Variants in RICTOR observed in about 807,000 individuals in gnomAD.
RICTOR encodes the protein RPTOR independent companion of MTOR complex 2.
Under a neutral mutation model 214.9 loss-of-function variants are expected in RICTOR, and 49 were observed. The observed-to-expected ratio is 0.23, with a 90% confidence interval of 0.18 to 0.29. RICTOR has a LOEUF of 0.29. RICTOR is among the 10% of genes least tolerant of loss of function. The pLI, the probability that RICTOR is intolerant of heterozygous loss-of-function variation, is 1.00. For synonymous variants in RICTOR, 717 were observed against 711.3 expected (o/e 1.01, Z -0.13); for missense variants, 1,625 against 2,047.0 (o/e 0.79, Z 3.98).
chr5:38,958,383 A>T, intron 24 of RICTOR, 60 bp downstream of exon 24: 1 of 1,044,174 alleles, frequency 9.6e-7, no homozygotes, highest in Non-Finnish European at 1.5e-6. Context: ...ATCTATCTTT[A>T]ATATACACTG....
chr5:38,964,767 G>A (rs1470038396), intron 16 of RICTOR, 25 bp downstream of exon 16: 3 of 1,216,320 alleles, frequency 2.5e-6, no homozygotes, highest in Admixed American at 2.0e-5. Flanking sequence ...TCAAACAAAA[G>A]CTTTGCTAAA....
chr5:39,014,107 C>T (rs1754758021), intron 3 of RICTOR, among the ~76,000 whole-genome samples: 1 of 152,036 alleles, frequency 6.6e-6, no homozygotes. Flanking sequence ...TACCACATAG[C>T]CTGGATATGT....
chr5:38,942,495 G>C (rs982917407), intron 37 of RICTOR, 117 bp from the exon 38 acceptor site: 4 of 505,146 alleles, frequency 7.9e-6, no homozygotes, highest in Non-Finnish European at 1.4e-5. Context: ...AGTCTTCCCA[G>C]GATGCAGCAC....
In RICTOR at chr5:39,027,081, T is replaced by C. The variant is rs374815510; in HGVS notation, c.98-5945A>G. 5.3e-5 allele frequency among the ~76,000 whole-genome samples: 8 copies of C among 152,198 alleles called. No homozygotes were observed. The East Asian group carries it at 1.2e-3, about 22-fold the overall frequency. ...ATTATTAAGAAAAACAAAATGCAGA[T>C]TGAGAGAGAAACCAAAATGTCAAGA... On this transcript the variant is annotated intron_variant, in intron 2 of 37. Coordinates refer to ENST00000357387, the MANE Select transcript of RICTOR (RefSeq NM_152756.5).
chr5:39,013,154 G>A (rs1171657072), intron 3 of RICTOR, among the ~76,000 whole-genome samples: 1 of 152,122 alleles, frequency 6.6e-6, no homozygotes, highest in Non-Finnish European at 1.5e-5. Flanking sequence ...TTTTAGCTAA[G>A]ATGAATTAAG....
At chr5:39,058,955 T>C (rs956976844) in intron 2 of RICTOR, among the ~76,000 whole-genome samples, 8 of 152,072 alleles carry the variant, frequency 5.3e-5, no homozygotes. Context: ...CCAAAACCTG[T>C]TCAATGAAAA....
intron 2 of RICTOR, among the ~76,000 whole-genome samples, chr5:39,073,755 TCCAG>T (rs1759501670): frequency 1.3e-5 from 2 of 152,080 alleles, no homozygotes; most frequent in African/African-American, 2.4e-5. Flanking sequence ...TCTACCTCCC[TCCAG>T]CTGCCCCTAG....
intron 2 of RICTOR, among the ~76,000 whole-genome samples, chr5:39,058,144 A>ATTCCAACTC (rs1758315111): frequency 6.6e-6 from 1 of 152,084 alleles, no homozygotes; most frequent in South Asian, 2.1e-4. Flanking sequence ...ATCTTTTTCT[A>ATTCCAACTC]TTCCAACTCT....
chr5:38,983,391 C>G (rs1264313075), intron 7 of RICTOR, among the ~76,000 whole-genome samples: 1 of 152,152 alleles, frequency 6.6e-6, no homozygotes, highest in East Asian at 1.9e-4. Flanking sequence ...CAGAGTTTTT[C>G]TATATATAAG....
chr5:38,999,043 A>AAAAAAAAAAAAAAC (rs1561514547), intron 5 of RICTOR, among the ~76,000 whole-genome samples: 46 of 143,014 alleles, frequency 3.2e-4, no homozygotes, highest in Non-Finnish European at 4.6e-4. Context: ...AAAAAAAAAA[A>AAAAAAAAAAAAAAC]AAAAAAAACA....
intron 2 of RICTOR, among the ~76,000 whole-genome samples, chr5:39,055,303 T>TG (rs1758127234): frequency 6.6e-6 from 1 of 152,140 alleles, no homozygotes; most frequent in Non-Finnish European, 1.5e-5. Flanking sequence ...GTCTCGTTGA[T>TG]AGTCACATTT....
rs769900930 is a variant in RICTOR, at chr5:38,952,359, G to T, written c.2964C>A (p.His988Gln). The change falls in exon 30 of 38, where the codon CAC becomes CAA. Residue 988 changes from histidine (H) to glutamine (Q), a missense_variant. By Grantham distance (24) the His-to-Gln change is conservative (BLOSUM62 0). Transcript: ENST00000357387. Reference sequence around the variant, plus strand: ...GACTATGCCTCACAGCATCCCAGTTGTGACATTTTAGAATATCACAGCCTT... The same window carrying T: ...GACTATGCCTCACAGCATCCCAGTTTTGACATTTTAGAATATCACAGCCTT... ...TKQGCDILKC[H>Q]NWDAVRHSRK... is the part of the protein sequence containing the mutation. 5 of 1,612,876 alleles carry T rather than the reference G, an allele frequency of 3.1e-6. No homozygotes were observed. The Admixed American group carries it at 8.4e-5, about 27-fold the overall frequency.
intron 7 of RICTOR, among the ~76,000 whole-genome samples, chr5:38,987,598 CT>C (rs1752271359): frequency 6.6e-6 from 1 of 152,026 alleles, no homozygotes; most frequent in African/African-American, 2.4e-5. Flanking sequence ...TGATTCTTCT[CT>C]CTTTTCTTCT....
At chr5:39,028,076 T>A (rs141891849) in intron 2 of RICTOR, among the ~76,000 whole-genome samples, 1 of 150,476 alleles carries the variant, frequency 6.6e-6, no homozygotes, top group African/African-American at 2.5e-5. Flanking sequence ...AAAATGAAAA[T>A]TAAAACCACA....
intron 2 of RICTOR, among the ~76,000 whole-genome samples, chr5:39,025,621 A>G (rs1401492262): frequency 6.6e-6 from 1 of 152,214 alleles, no homozygotes; most frequent in Non-Finnish European, 1.5e-5. Flanking sequence ...TCAGGGTGAC[A>G]GCATGGTCAG....
intron 2 of RICTOR, among the ~76,000 whole-genome samples, chr5:39,042,495 G>A (rs1446766834): frequency 1.3e-5 from 2 of 152,236 alleles, no homozygotes; most frequent in East Asian, 3.9e-4. Flanking sequence ...TACCAGATAT[G>A]GCAATGAGAT....
intron 2 of RICTOR, among the ~76,000 whole-genome samples, chr5:39,040,831 A>G (rs1331196677): frequency 2.0e-5 from 3 of 152,200 alleles, no homozygotes; most frequent in African/African-American, 7.2e-5. Context: ...TCTGCCATAT[A>G]CTGCGATAAC....
At chr5:39,058,661 G>A (rs1054010112) in intron 2 of RICTOR, among the ~76,000 whole-genome samples, 4 of 152,074 alleles carry the variant, frequency 2.6e-5, no homozygotes, top group African/African-American at 9.7e-5. Flanking sequence ...ACAACTGCAT[G>A]TTGTAAATCT....
chr5:38,964,214 C>A (rs969270855), intron 16 of RICTOR, among the ~76,000 whole-genome samples: 1 of 151,720 alleles, frequency 6.6e-6, no homozygotes, highest in Non-Finnish European at 1.5e-5. Context: ...CTAGCACTTC[C>A]CAATTGAACC....
Sources: gnomAD v4.1 joint callset for allele counts (sites outside exome capture counted in the v4.1 genomes callset) on GRCh38, gnomAD v4.1.1 for gene constraint, MANE v1.5 for transcripts, NCBI Gene and HGNC (gene_info 2026-07-23, HGNC 2026-07-21) for gene names.